The following OR56A3 variants were observed in gnomAD, a reference collection of about 807,000 sequenced individuals.
The protein encoded by OR56A3 is olfactory receptor 56A3.
A neutral mutation model predicts 17.5 loss-of-function variants in OR56A3; 23 were observed. That is an observed-to-expected ratio of 1.32 (90% CI 0.95 to 1.87). OR56A3 has a LOEUF of 1.87. OR56A3 is among the 40% of genes most tolerant of loss of function. The pLI is 0.00. For synonymous variants in OR56A3, 175 were observed against 150.6 expected, an observed-to-expected ratio of 1.16 and a Z score of -1.19; for missense variants, 366 against 380.1, an observed-to-expected ratio of 0.96 and a Z score of 0.31.
At chr11:6,020,077 G>A in the OR56A3 span, 1 of 152,046 alleles carries the variant, frequency 6.6e-6, no homozygotes, top group East Asian at 1.9e-4. Context: ...CAAGAGTATT[G>A]ACTCAGGTAT....
At chr11:6,009,370 T>A in the OR56A3 span, among the ~76,000 whole-genome samples, 1 of 149,840 alleles carries the variant, frequency 6.7e-6, no homozygotes, top group Non-Finnish European at 1.5e-5. Flanking sequence ...TGATTTTTCC[T>A]TCTTAACTCT....
the OR56A3 span, among the ~76,000 whole-genome samples, chr11:5,974,016 G>T: frequency 6.6e-6 from 1 of 152,108 alleles, no homozygotes; most frequent in Non-Finnish European, 1.5e-5. Flanking sequence ...GCTGGGGCTG[G>T]TAGTGAGTTC....
chr11:5,998,501 A>T, the OR56A3 span, among the ~76,000 whole-genome samples: 2 of 152,198 alleles, frequency 1.3e-5, no homozygotes, highest in Admixed American at 6.5e-5. Context: ...TGATAACACC[A>T]AGGGAAGGGA....
chr11:5,997,314 G>T, the OR56A3 span, among the ~76,000 whole-genome samples: 4 of 152,168 alleles, frequency 2.6e-5, no homozygotes, highest in African/African-American at 9.7e-5. Context: ...TGGAACACCT[G>T]GGTCCCTACA....
At position 5,948,509 on chromosome 11, in the gene OR56A3, T is replaced by A. The variant is rs1847888749; in HGVS notation, c.*215T>A. On this transcript the variant is annotated 3_prime_UTR_variant, in exon 3 of 3. Coordinates refer to ENST00000641160, the MANE Select transcript of OR56A3 (RefSeq NM_001003443.3). ...CTTGGCCCTCTCTCGTTTTATTCCATGCTTATAATCATATTTTGTCCAAAA... is the reference window on the plus strand; with the variant it reads ...CTTGGCCCTCTCTCGTTTTATTCCAAGCTTATAATCATATTTTGTCCAAAA... 1.9e-6 allele frequency: 1 copy of A among 519,954 alleles called. No homozygotes were observed. The highest frequency in any genetic ancestry group is 3.4e-6 in the Non-Finnish European group (1 of 295,210). 32.2% of individuals were successfully genotyped at this position (519,954 alleles called of 1,614,324 possible).
chr11:6,008,737 C>T, the OR56A3 span, among the ~76,000 whole-genome samples: 3 of 151,962 alleles, frequency 2.0e-5, no homozygotes, highest in African/African-American at 7.3e-5. Context: ...TTACTAAGCC[C>T]TATACTACAT....
At chr11:5,983,370 A>G in the OR56A3 span, among the ~76,000 whole-genome samples, 1 of 151,658 alleles carries the variant, frequency 6.6e-6, no homozygotes, top group South Asian at 2.1e-4. Context: ...TATTTAGTTT[A>G]GTTTCCAATT....
chr11:5,943,918 CTG>C (rs1197410770), intron 1 of OR56A3, among the ~76,000 whole-genome samples: 1 of 152,200 alleles, frequency 6.6e-6, no homozygotes, highest in African/African-American at 2.4e-5. Context: ...GTTGTACTTG[CTG>C]TGGGTGCAAA....
chr11:6,007,068 C>T, the OR56A3 span: 1 of 152,228 alleles, frequency 6.6e-6, no homozygotes, highest in Non-Finnish European at 1.5e-5. Context: ...TCCTGGGGCC[C>T]TATGGTCCAT....
the OR56A3 span, chr11:5,986,210 G>T: frequency 6.2e-7 from 1 of 1,613,768 alleles, no homozygotes; most frequent in Admixed American, 1.7e-5. Flanking sequence ...AGCACTGCCT[G>T]GAGGATGTGG....
chr11:5,961,098 G>A, the OR56A3 span, among the ~76,000 whole-genome samples: 2 of 151,282 alleles, frequency 1.3e-5, no homozygotes, highest in South Asian at 4.2e-4. Flanking sequence ...CTGGGGGGCA[G>A]CCCGCGCCCG....
At chr11:5,993,616 T>C in the OR56A3 span, among the ~76,000 whole-genome samples, 24 of 152,314 alleles carry the variant, frequency 1.6e-4, no homozygotes, top group South Asian at 4.8e-3. Flanking sequence ...TTTTGCCTAA[T>C]ATAACTTTCC....
downstream of OR56A3, among the ~76,000 whole-genome samples, chr11:5,953,990 C>T (rs990946935): frequency 1.3e-5 from 2 of 152,012 alleles, no homozygotes; most frequent in African/African-American, 4.8e-5. Context: ...TAAACACAGT[C>T]CTGGCCGCAA....
At chr11:5,973,328 G>A in the OR56A3 span, among the ~76,000 whole-genome samples, 7 of 152,114 alleles carry the variant, frequency 4.6e-5, no homozygotes, top group South Asian at 1.5e-3. Flanking sequence ...TCCTAATATG[G>A]ACTACTGAGA....
the OR56A3 span, among the ~76,000 whole-genome samples, chr11:5,979,229 G>A: frequency 1.3e-5 from 2 of 151,636 alleles, no homozygotes; most frequent in Non-Finnish European, 2.9e-5. Context: ...AATGATGCTG[G>A]CCTCATAGAA....
the OR56A3 span, chr11:5,986,589 G>T: frequency 1.9e-6 from 3 of 1,614,012 alleles, no homozygotes; most frequent in Non-Finnish European, 2.5e-6. Flanking sequence ...GGATCAGGCA[G>T]ACGATGTACC....
chr11:5,972,618 A>G, the OR56A3 span, among the ~76,000 whole-genome samples: 6 of 152,270 alleles, frequency 3.9e-5, no homozygotes, highest in African/African-American at 1.4e-4. Flanking sequence ...AGCTGGGAGC[A>G]GTAGTTTGGG....
At chr11:5,951,454 A>G (rs186394972), downstream of OR56A3, 13 of 152,226 alleles carry the variant, frequency 8.5e-5, no homozygotes, top group East Asian at 2.5e-3. Flanking sequence ...TTGTTATAGT[A>G]TATTATAAAT....
At chr11:5,996,702 A>C in the OR56A3 span, among the ~76,000 whole-genome samples, 1 of 152,256 alleles carries the variant, frequency 6.6e-6, no homozygotes, top group Non-Finnish European at 1.5e-5. Context: ...ATATACATCC[A>C]AATAGTCAGA....
Sources: allele counts gnomAD v4.1 joint callset (sites outside exome capture counted in the v4.1 genomes callset), GRCh38; gene constraint gnomAD v4.1.1; transcripts MANE v1.5; gene names NCBI Gene and HGNC (gene_info 2026-07-23, HGNC 2026-07-21).